WDPCP: variants seen among roughly 807,000 people sequenced by gnomAD.
WDPCP encodes the protein WD repeat containing planar cell polarity effector, also known as WD repeat-containing and planar cell polarity effector protein fritz homolog.
WDPCP carries 71 observed loss-of-function variants against 93.1 expected under a neutral mutation model. That is an observed-to-expected ratio of 0.76 (90% CI 0.63 to 0.93). WDPCP has a LOEUF of 0.93. WDPCP is among the 40% of genes least tolerant of loss of function. WDPCP has a pLI of 0.00. For missense variants in WDPCP, 844 were observed against 887.4 expected (o/e 0.95, Z 0.62); for synonymous variants, 315 against 315.0 (o/e 1.00, Z 0.00).
intron 3 of WDPCP, among the ~76,000 whole-genome samples, chr2:63,622,016 A>G (rs1217958921): frequency 1.4e-5 from 2 of 144,902 alleles, no homozygotes; most frequent in Non-Finnish European, 3.0e-5. Flanking sequence ...TCCCAATGCT[A>G]TCCCTCCCCC....
chr2:63,122,415 TTA>T (rs1669605666), intron 17 of WDPCP, among the ~76,000 whole-genome samples: 1 of 152,180 alleles, frequency 6.6e-6, no homozygotes, highest in African/African-American at 2.4e-5. Context: ...CTAAAAGGTA[TTA>T]TATAGCATAT....
At chr2:63,294,927 C>T (rs993397568) in intron 13 of WDPCP, among the ~76,000 whole-genome samples, 4 of 151,902 alleles carry the variant, frequency 2.6e-5, no homozygotes, top group African/African-American at 9.7e-5. Context: ...TTATATGAGA[C>T]AGATACATTT....
chr2:63,384,772 A>C (rs1692595080), intron 10 of WDPCP, among the ~76,000 whole-genome samples: 2 of 152,064 alleles, frequency 1.3e-5, no homozygotes, highest in East Asian at 3.9e-4. Context: ...AGAAGAAATA[A>C]TATAAATTCA....
At chr2:63,400,806 A>G (rs918901519) in intron 10 of WDPCP, among the ~76,000 whole-genome samples, 2 of 152,154 alleles carry the variant, frequency 1.3e-5, no homozygotes, top group Non-Finnish European at 2.9e-5. Flanking sequence ...AGACCAATGG[A>G]AGAGAAAGAA....
In WDPCP at chr2:63,782,740, A is replaced by ATGTGTGTGTGTGTG. The variant is rs70965143; in HGVS notation, n.308+30868_308+30881dup. 2.7e-3 allele frequency among the ~76,000 whole-genome samples: 382 copies of ATGTGTGTGTGTGTG among 141,224 alleles called. 2 individuals carry two copies. The highest frequency in any genetic ancestry group is 0.015 in the South Asian group (64 of 4,286). 92.6% of individuals were successfully genotyped at this position (141,224 alleles called of 152,430 possible). The stretch of plus-strand genomic sequence containing the variant: ...CTGAAGCAGTCAGTCCACAGGCAAC[A>ATGTGTGTGTGTGTG]TGTGTGTGTGTGTGTGTGTGTGTGT... On this transcript the variant is annotated intron_variant and non_coding_transcript_variant, in intron 2 of 4. Transcript: ENST00000467687.
chr2:63,437,570 A>G lies in WDPCP; in HGVS notation c.500-16T>C. The G allele has an allele frequency of 6.4e-7, 1 of 1,565,616 alleles. No individual in the cohort carries two copies. The highest frequency in any genetic ancestry group is 8.7e-7 in the Non-Finnish European group (1 of 1,152,204). On this transcript the variant is annotated splice_polypyrimidine_tract_variant and intron_variant, in intron 7 of 17. Coordinates refer to ENST00000272321, the MANE Select transcript of WDPCP (RefSeq NM_015910.7). Reference sequence around the variant, plus strand: ...GTGAGAAGAGCTAAAAAACATAATTAGATATTACCAAGTTAGAATAAAATA... The same window carrying G: ...GTGAGAAGAGCTAAAAAACATAATTGGATATTACCAAGTTAGAATAAAATA...
chr2:63,518,800 C>T (rs894024564), intron 1 of WDPCP: 1 of 152,240 alleles, frequency 6.6e-6, no homozygotes, highest in South Asian at 2.1e-4. Flanking sequence ...TAGGGTACCA[C>T]GTGGGCTCGC....
At chr2:63,381,867 T>C in intron 11 of WDPCP, 39 bp downstream of exon 11, 1 of 1,601,978 alleles carries the variant, frequency 6.2e-7, no homozygotes, top group African/African-American at 1.3e-5. Flanking sequence ...ATTTCATGTA[T>C]ATACAAAACT....
At chr2:63,595,667 G>A (rs1283357682) in intron 3 of WDPCP, 1 of 618,544 alleles carries the variant, frequency 1.6e-6, no homozygotes, top group African/African-American at 1.8e-5. Context: ...AACTACTTAT[G>A]TATACCAAGG....
intron 14 of WDPCP, among the ~76,000 whole-genome samples, chr2:63,225,486 G>A (rs917952148): frequency 5.3e-5 from 8 of 151,568 alleles, no homozygotes; most frequent in African/African-American, 1.7e-4. Flanking sequence ...TACTAAAGCC[G>A]AAAAAACACA....
intron 2 of WDPCP, among the ~76,000 whole-genome samples, chr2:63,685,237 A>G (rs1242605306): frequency 6.6e-6 from 1 of 152,188 alleles, no homozygotes. Context: ...GAGAGAGAAG[A>G]CCCAAATAAA....
At chr2:63,585,819 G>A (rs1233256047) in intron 1 of WDPCP, among the ~76,000 whole-genome samples, 9 of 147,820 alleles carry the variant, frequency 6.1e-5, no homozygotes, top group Non-Finnish European at 8.9e-5. Flanking sequence ...AAATTAATAT[G>A]AGGTTAAATA....
intron 14 of WDPCP, among the ~76,000 whole-genome samples, chr2:63,177,557 C>A (rs1482236372): frequency 2.0e-5 from 3 of 152,100 alleles, no homozygotes; most frequent in Admixed American, 2.0e-4. Context: ...GTCAGAAATG[C>A]AATGAATTTT....
At chr2:63,811,301 A>G (rs1670859434) in intron 2 of WDPCP, among the ~76,000 whole-genome samples, 2 of 152,156 alleles carry the variant, frequency 1.3e-5, no homozygotes, top group Non-Finnish European at 2.9e-5. Flanking sequence ...AGGTGATGGG[A>G]TGTCACTCCC....
intron 2 of WDPCP, among the ~76,000 whole-genome samples, chr2:63,663,955 T>C (rs1404088349): frequency 6.6e-6 from 1 of 152,120 alleles, no homozygotes; most frequent in African/African-American, 2.4e-5. Context: ...ACCGCACCTT[T>C]AACCCAAGCA....
chr2:63,671,267 T>C (rs1458403806), intron 2 of WDPCP, among the ~76,000 whole-genome samples: 1 of 152,168 alleles, frequency 6.6e-6, no homozygotes, highest in East Asian at 1.9e-4. Flanking sequence ...TCCCAGGCCA[T>C]GCTTCCCACA....
intron 1 of WDPCP, among the ~76,000 whole-genome samples, chr2:63,544,757 AAT>A (rs949288337): frequency 2.6e-5 from 4 of 152,176 alleles, no homozygotes; most frequent in African/African-American, 9.7e-5. Context: ...TAGTTTCCTC[AAT>A]AGTTATTAGA....
In WDPCP at chr2:63,367,916, T is replaced by C. The variant is rs528220228; in HGVS notation, c.1748+10470A>G. 9.3e-4 allele frequency among the ~76,000 whole-genome samples: 141 copies of C among 152,286 alleles called. 1 individual carries two copies. The highest frequency in any genetic ancestry group is 1.1e-3 in the Non-Finnish European group (72 of 68,004). Reference sequence around the variant, plus strand: ...GTGTTCATTAAAGATTTCACAAAAGTGATGTATTTTTTTCAACTAATTCAA... The same window carrying C: ...GTGTTCATTAAAGATTTCACAAAAGCGATGTATTTTTTTCAACTAATTCAA... On this transcript the variant is annotated intron_variant, in intron 12 of 17. Transcript: ENST00000272321.
intron 12 of WDPCP, among the ~76,000 whole-genome samples, chr2:63,321,134 T>C (rs955969095): frequency 1.3e-5 from 2 of 151,552 alleles, no homozygotes; most frequent in African/African-American, 4.8e-5. Flanking sequence ...CTTAAATATA[T>C]GAAACAAAAA....
Sources: allele counts gnomAD v4.1 joint callset (sites outside exome capture counted in the v4.1 genomes callset), GRCh38; gene constraint gnomAD v4.1.1; transcripts MANE v1.5; gene names NCBI Gene and HGNC (gene_info 2026-07-23, HGNC 2026-07-21).